The following EPSTI1 variants were observed in gnomAD, a reference collection of about 807,000 sequenced individuals.
EPSTI1 encodes epithelial-stromal interaction protein 1.
A neutral mutation model predicts 49.9 loss-of-function variants in EPSTI1; 66 were observed. That is an observed-to-expected ratio of 1.32 (90% CI 1.08 to 1.62). EPSTI1 has a LOEUF of 1.62. Ranked by LOEUF, EPSTI1 falls within the 40% of genes most tolerant of loss-of-function variation. EPSTI1 has a pLI of 0.00. For synonymous variants in EPSTI1, 137 were observed against 130.7 expected (o/e 1.05, Z -0.33); for missense variants, 394 against 365.5 (o/e 1.08, Z -0.64).
At chr13:42,914,743 G>A (rs2037782511) in intron 8 of EPSTI1, among the ~76,000 whole-genome samples, 1 of 152,140 alleles carries the variant, frequency 6.6e-6, no homozygotes, top group African/African-American at 2.4e-5. Flanking sequence ...TTTTAGAATG[G>A]TAAGATGAGA....
rs188988996 is a variant in EPSTI1, at chr13:42,905,260, G to A, written c.742-4877C>T. On this transcript the variant is annotated intron_variant, in intron 8 of 10. Coordinates refer to ENST00000313624, the MANE Select transcript of EPSTI1 (RefSeq NM_033255.5). ...AAGACCAGGAGGGAAACGCGGACGG[G>A]AGCTGATGAGGCATCACCATGCAAG... 5.3e-5 allele frequency among the ~76,000 whole-genome samples: 8 copies of A among 152,278 alleles called. No homozygotes were observed. The East Asian group carries it at 1.5e-3, about 29-fold the overall frequency.
Position 42,937,752 on chromosome 13 carries a change from A to G in EPSTI1, c.564-11323T>C, listed in dbSNP as rs565797907. 4.6e-4 allele frequency among the ~76,000 whole-genome samples: 70 copies of G among 152,106 alleles called. 1 individual carries two copies. Among genetic ancestry groups the G allele is most frequent in the African/African-American group, 1.4e-3 (60 of 41,504 alleles). On this transcript the variant is annotated intron_variant, in intron 6 of 10. Transcript: ENST00000313624. ...CTCCACTGAAGTCTTGAGTCCATCA[A>G]TGTCATCCATGAGGGCTGGGATCAT...
intron 1 of EPSTI1, among the ~76,000 whole-genome samples, chr13:42,976,216 T>C (rs999157613): frequency 6.6e-6 from 1 of 152,244 alleles, no homozygotes; most frequent in African/African-American, 2.4e-5. Context: ...TCCAGTCTTA[T>C]GATGGGCGCA....
chr13:42,951,119 T>G (rs1346373337), intron 6 of EPSTI1, among the ~76,000 whole-genome samples: 1 of 152,034 alleles, frequency 6.6e-6, no homozygotes, highest in Non-Finnish European at 1.5e-5. Flanking sequence ...ACCAAGCCAT[T>G]GCACTCCAGC....
At chr13:42,919,029 T>C (rs559201412) in intron 7 of EPSTI1, among the ~76,000 whole-genome samples, 1 of 152,232 alleles carries the variant, frequency 6.6e-6, no homozygotes, top group Admixed American at 6.5e-5. Context: ...CTACTCAAGA[T>C]ATTAAAAGGT....
rs71099807 is a variant in EPSTI1, at chr13:42,910,257, C to CTTT, written c.741+7281_741+7283dup. 1.4e-3 allele frequency among the ~76,000 whole-genome samples: 135 copies of CTTT among 97,620 alleles called. 2 individuals are homozygous for CTTT. Among genetic ancestry groups the CTTT allele is most frequent in the African/African-American group, 1.9e-3 (46 of 24,434 alleles). 64.0% of individuals were successfully genotyped at this position (97,620 alleles called of 152,430 possible). A position where few individuals can be genotyped will look rare whatever the true frequency, so the allele number is the denominator to read the frequency against. ...TCTTGTATATATTTTTTAACCAAAT[C>CTTT]TTTTTTTTTTTTTTTTTTTTTGGAA... On this transcript the variant is annotated intron_variant, in intron 8 of 10. Transcript: ENST00000313624.
chr13:42,916,587 A>C (rs2037838132), intron 8 of EPSTI1, among the ~76,000 whole-genome samples: 1 of 152,254 alleles, frequency 6.6e-6, no homozygotes, highest in Non-Finnish European at 1.5e-5. Flanking sequence ...TTGTTGGGGA[A>C]AGACAAAGAA....
At chr13:42,970,117 GGA>G (rs1257638427) in intron 2 of EPSTI1, 1 of 152,264 alleles carries the variant, frequency 6.6e-6, no homozygotes, top group Non-Finnish European at 1.5e-5. Context: ...ATGTAATAAA[GGA>G]GACCATCGAA....
At chr13:42,901,987 A>C (rs1470024707) in intron 8 of EPSTI1, among the ~76,000 whole-genome samples, 2 of 138,992 alleles carry the variant, frequency 1.4e-5, no homozygotes, top group East Asian at 2.1e-4. Context: ...CTCATTGTTC[A>C]ATTCCCACCT....
Position 42,926,041 on chromosome 13 carries a change from A to AAGGAAGGT in EPSTI1, c.657+287_657+294dup, listed in dbSNP as rs1555262029. 1.6e-3 allele frequency among the ~76,000 whole-genome samples: 221 copies of AAGGAAGGT among 137,894 alleles called. 4 individuals carry two copies. The highest frequency in any genetic ancestry group is 4.5e-3 in the African/African-American group (165 of 36,892). The allele number at this position is 137,894 out of a possible 152,430, so 90.5% of individuals were successfully genotyped here. ...GATGCATGGATGGAAGGAAGGAAGG[A>AAGGAAGGT]AGGAAGGTAGGAAGGATGGAAGGAT... On this transcript the variant is annotated intron_variant, in intron 7 of 10. Coordinates refer to ENST00000313624, the MANE Select transcript of EPSTI1 (RefSeq NM_033255.5).
At chr13:42,925,793 C>T (rs967023635) in intron 7 of EPSTI1, among the ~76,000 whole-genome samples, 1 of 152,166 alleles carries the variant, frequency 6.6e-6, no homozygotes, top group African/African-American at 2.4e-5. Flanking sequence ...AGCTTCTGCT[C>T]TGGTGTCATT....
In EPSTI1 at chr13:42,934,892, GAAGA is replaced by G. The variant is rs2038505861; in HGVS notation, c.564-8467_564-8464del. On this transcript the variant is annotated intron_variant, in intron 6 of 10. Coordinates refer to ENST00000313624, the MANE Select transcript of EPSTI1 (RefSeq NM_033255.5). ...ATGAGAGAAAGAAGAAACAAGAATG[GAAGA>G]AGTGTCACTGCCTTTTAAATATAGT... is the stretch of plus-strand genomic sequence containing the variant. 5 of 189,172 alleles carry G rather than the reference GAAGA, an allele frequency of 2.6e-5. No homozygotes were observed. The South Asian group carries it at 6.1e-4, about 23-fold the overall frequency. The allele number at this position is 189,172 out of a possible 1,614,324, so 11.7% of individuals were successfully genotyped here. A position where few individuals can be genotyped will look rare whatever the true frequency, so the allele number is the denominator to read the frequency against.
At position 42,938,317 on chromosome 13, in the gene EPSTI1, T is replaced by C. The variant is rs78262840; in HGVS notation, c.564-11888A>G. ...CAATATTTTGAAAGGAATCTTTTCT[T>C]CTAAGCAGGTCTTATTAGTGGGCTT... On this transcript the variant is annotated intron_variant, in intron 6 of 10. Transcript: ENST00000313624. 3.4e-3 allele frequency among the ~76,000 whole-genome samples: 525 copies of C among 152,258 alleles called. 3 individuals are homozygous for C. The highest frequency in any genetic ancestry group is 0.012 in the African/African-American group (500 of 41,574).
intron 4 of EPSTI1, 98 bp from the exon 5 acceptor site, chr13:42,963,436 G>T: frequency 1.1e-6 from 1 of 903,524 alleles, no homozygotes. Flanking sequence ...TTACAGTATT[G>T]TTTGTGCTAT....
At chr13:42,929,513 T>C (rs1215667175) in intron 6 of EPSTI1, among the ~76,000 whole-genome samples, 15 of 152,232 alleles carry the variant, frequency 9.9e-5, no homozygotes, top group Admixed American at 9.8e-4. Flanking sequence ...CTCCCTGAGA[T>C]AACTCACCAT....
At chr13:42,895,838 T>C (rs2037174444) in intron 9 of EPSTI1, among the ~76,000 whole-genome samples, 1 of 152,104 alleles carries the variant, frequency 6.6e-6, no homozygotes, top group Non-Finnish European at 1.5e-5. Flanking sequence ...CATCAACAGA[T>C]TATTTAGGAA....
chr13:42,956,235 T>C (rs140524777), intron 5 of EPSTI1, among the ~76,000 whole-genome samples: 4 of 152,352 alleles, frequency 2.6e-5, no homozygotes, highest in Non-Finnish European at 5.9e-5. Context: ...AGAAGCGGAA[T>C]AACACTGGGA....
At chr13:42,983,138 G>T (rs1477644901) in intron 1 of EPSTI1, among the ~76,000 whole-genome samples, 1 of 152,058 alleles carries the variant, frequency 6.6e-6, no homozygotes, top group African/African-American at 2.4e-5. Flanking sequence ...TTTTTATAGG[G>T]ATATCAGCCA....
rs1400628176 is a variant in EPSTI1, at chr13:42,888,476, A to T, written c.*18T>A. 2 of 1,613,784 alleles carry T rather than the reference A, an allele frequency of 1.2e-6. No homozygotes were observed. Among genetic ancestry groups the T allele is most frequent in the Non-Finnish European group, 1.7e-6 (2 of 1,179,858 alleles). On this transcript the variant is annotated 3_prime_UTR_variant, in exon 11 of 11. Transcript: ENST00000313624. ...TTCGAGGTCAGTTGATGAAGGCCAG[A>T]TAGGAGTCAATATTTTCTCATATAC...
Sources: allele counts gnomAD v4.1 joint callset (sites outside exome capture counted in the v4.1 genomes callset), GRCh38; gene constraint gnomAD v4.1.1; transcripts MANE v1.5; gene names NCBI Gene and HGNC (gene_info 2026-07-23, HGNC 2026-07-21).